Variants in ESR1 observed in about 807,000 individuals in gnomAD.
ESR1 encodes the protein estrogen receptor 1.
In ESR1, 12 loss-of-function variants were observed where a neutral mutation model predicts 52.7. The observed-to-expected ratio is 0.23, with a 90% CI of 0.15 to 0.37. The LOEUF is 0.37. Among genes scored for constraint, ESR1 ranks in the 10% least tolerant of loss-of-function variants. ESR1 has a pLI of 1.00. For synonymous variants in ESR1, 305 were observed against 316.8 expected, an observed-to-expected ratio of 0.96 and a Z score of 0.39; for missense variants, 584 against 779.7, an observed-to-expected ratio of 0.75 and a Z score of 2.99.
chr6:151,849,978 TTATATATATATA>T (rs66502837), intron 2 of ESR1, among the ~76,000 whole-genome samples: 7 of 84,126 alleles, frequency 8.3e-5, no homozygotes, highest in South Asian at 3.8e-4. Context: ...TCCTAGGGAA[TTATATATATATA>T]TATATATATA....
chr6:151,757,248 A>T (rs200072183), intron 2 of ESR1, among the ~76,000 whole-genome samples: 5 of 147,914 alleles, frequency 3.4e-5, no homozygotes, highest in Non-Finnish European at 7.5e-5. Flanking sequence ...AAAAAAAAAA[A>T]GAAAACATTT....
chr6:151,703,416 C>T (rs1013346605), intron 2 of ESR1, among the ~76,000 whole-genome samples: 1 of 152,122 alleles, frequency 6.6e-6, no homozygotes, highest in African/African-American at 2.4e-5. Context: ...TAGAAGCACC[C>T]CGCCCCGTGA....
At chr6:152,074,382 T>C (rs1005363922) in intron 6 of ESR1, among the ~76,000 whole-genome samples, 5 of 152,188 alleles carry the variant, frequency 3.3e-5, no homozygotes, top group African/African-American at 1.2e-4. Flanking sequence ...CTCAGTGATA[T>C]GCATTTAAGG....
At chr6:151,920,590 G>T (rs547491615) in intron 3 of ESR1, among the ~76,000 whole-genome samples, 1 of 152,072 alleles carries the variant, frequency 6.6e-6, no homozygotes. Flanking sequence ...TCCCAGGCTC[G>T]CCATGGTTGT....
intron 2 of ESR1, among the ~76,000 whole-genome samples, chr6:151,708,883 A>C (rs935901694): frequency 2.0e-5 from 3 of 152,208 alleles, no homozygotes; most frequent in African/African-American, 7.2e-5. Flanking sequence ...TGATATATCA[A>C]TATCGAGATA....
At chr6:152,063,781 C>T (rs1380610247) in intron 6 of ESR1, among the ~76,000 whole-genome samples, 2 of 152,108 alleles carry the variant, frequency 1.3e-5, no homozygotes, top group East Asian at 1.9e-4. Context: ...GAAACCTGAG[C>T]TAGAAGATGC....
At chr6:151,934,451 T>A (rs1308820754) in intron 3 of ESR1, among the ~76,000 whole-genome samples, 2 of 152,222 alleles carry the variant, frequency 1.3e-5, no homozygotes, top group Non-Finnish European at 2.9e-5. Flanking sequence ...ATGAATAAAA[T>A]AAAATTAAAA....
At chr6:152,018,975 G>A (rs2043394390) in intron 5 of ESR1, among the ~76,000 whole-genome samples, 1 of 152,160 alleles carries the variant, frequency 6.6e-6, no homozygotes, top group African/African-American at 2.4e-5. Context: ...TATTTTGACT[G>A]TGGATCCATT....
At chr6:151,686,511 C>A (rs1167144421), upstream of ESR1, among the ~76,000 whole-genome samples, 2 of 152,156 alleles carry the variant, frequency 1.3e-5, no homozygotes, top group African/African-American at 2.4e-5. Context: ...TGGTGAAACC[C>A]CGTCTCTACT....
intron 1 of ESR1, among the ~76,000 whole-genome samples, chr6:151,680,325 T>A (rs954838950): frequency 6.6e-6 from 1 of 150,716 alleles, no homozygotes; most frequent in African/African-American, 2.4e-5. Flanking sequence ...TGCCTCAGCC[T>A]CCCGAGTAGC....
At chr6:151,945,511 T>A (rs1281071905) in intron 4 of ESR1, among the ~76,000 whole-genome samples, 1 of 152,160 alleles carries the variant, frequency 6.6e-6, no homozygotes, top group East Asian at 1.9e-4. Flanking sequence ...GAACTCAAGT[T>A]TGTATGGCAA....
intron 2 of ESR1, among the ~76,000 whole-genome samples, chr6:151,778,610 T>G (rs1786241198): frequency 6.6e-6 from 1 of 151,872 alleles, no homozygotes; most frequent in African/African-American, 2.4e-5. Context: ...TTTGCCATGT[T>G]GGCCAGGCTG....
At chr6:151,810,456 T>A (rs538412058) in intron 1 of ESR1, among the ~76,000 whole-genome samples, 3 of 152,334 alleles carry the variant, frequency 2.0e-5, no homozygotes, top group East Asian at 3.9e-4. Flanking sequence ...AGATATTATT[T>A]AGTATTTTTC....
chr6:152,028,966 C>A (rs1339676743), intron 5 of ESR1, among the ~76,000 whole-genome samples: 1 of 152,214 alleles, frequency 6.6e-6, no homozygotes, highest in Admixed American at 6.5e-5. Context: ...GATCAGGCAG[C>A]AACATTTGCT....
At chr6:151,731,352 T>A (rs1313034273) in intron 2 of ESR1, among the ~76,000 whole-genome samples, 2 of 150,326 alleles carry the variant, frequency 1.3e-5, no homozygotes, top group Non-Finnish European at 3.0e-5. Flanking sequence ...TGAGACTCCA[T>A]CTCTCAAGAA....
intron 1 of ESR1, among the ~76,000 whole-genome samples, chr6:151,820,114 T>C (rs183022877): frequency 3.0e-4 from 46 of 152,276 alleles, no homozygotes; most frequent in African/African-American, 1.1e-3. Flanking sequence ...AGGATCTTGG[T>C]CCATTGATAT....
chr6:151,863,088 G>C (rs58212569), intron 2 of ESR1, among the ~76,000 whole-genome samples: 1 of 152,134 alleles, frequency 6.6e-6, no homozygotes, highest in East Asian at 1.9e-4. Flanking sequence ...GTCAGGTAGC[G>C]TGGTGCCTCC....
chr6:152,068,172 G>C (rs1446733557), intron 6 of ESR1, among the ~76,000 whole-genome samples: 1 of 152,234 alleles, frequency 6.6e-6, no homozygotes, highest in Non-Finnish European at 1.5e-5. Context: ...CCCAGCACTT[G>C]CTTGCGCTCA....
intron 3 of ESR1, among the ~76,000 whole-genome samples, chr6:151,933,362 A>G (rs1218166864): frequency 6.6e-6 from 1 of 150,856 alleles, no homozygotes; most frequent in Non-Finnish European, 1.5e-5. Flanking sequence ...GGGCTGAGAC[A>G]ATGGGGTTTT....
Sources: gnomAD v4.1 joint callset for allele counts (sites outside exome capture counted in the v4.1 genomes callset) on GRCh38, gnomAD v4.1.1 for gene constraint, MANE v1.5 for transcripts, NCBI Gene and HGNC (gene_info 2026-07-23, HGNC 2026-07-21) for gene names.